CYP2C18: variants seen among roughly 807,000 people sequenced by gnomAD.
CYP2C18 encodes cytochrome P450 2C18.
CYP2C18 carries 38 observed loss-of-function variants against 41.3 expected under a neutral mutation model. The observed-to-expected ratio is 0.92, with a 90% CI of 0.71 to 1.21. CYP2C18 has a LOEUF of 1.21. Ranked by LOEUF, CYP2C18 falls within the 50% of genes most tolerant of loss-of-function variation. The pLI is 0.00. For synonymous variants in CYP2C18, 236 were observed against 210.0 expected (o/e 1.12, Z -1.07); for missense variants, 635 against 591.4 (o/e 1.07, Z -0.77).
chr10:94,690,033 G>A (rs898398265), intron 3 of CYP2C18, among the ~76,000 whole-genome samples: 2 of 152,038 alleles, frequency 1.3e-5, no homozygotes, highest in Non-Finnish European at 2.9e-5. Flanking sequence ...ACCAACCCTG[G>A]TACTTCCCCA....
At chr10:94,720,120 C>T (rs1424241860) in intron 5 of CYP2C18, among the ~76,000 whole-genome samples, 1 of 152,062 alleles carries the variant, frequency 6.6e-6, no homozygotes, top group East Asian at 1.9e-4. Context: ...CAGGTACCTG[C>T]TTATATGTCA....
At chr10:94,692,912 A>G (rs1223330906) in intron 3 of CYP2C18, among the ~76,000 whole-genome samples, 2 of 151,942 alleles carry the variant, frequency 1.3e-5, no homozygotes, top group African/African-American at 4.8e-5. Flanking sequence ...TGAGCAAACT[A>G]TCGCAAGACC....
intron 1 of CYP2C18, among the ~76,000 whole-genome samples, chr10:94,684,653 A>G (rs567212255): frequency 1.5e-4 from 23 of 152,312 alleles, no homozygotes; most frequent in African/African-American, 5.3e-4. Flanking sequence ...TAGCACTGCA[A>G]TAAACATGGA....
rs752487595 is a variant in CYP2C18 at position 94,721,203 on chromosome 10, C to T, written c.961+666C>T. Among the ~76,000 whole-genome samples, 8 of 151,912 alleles carry T rather than the reference C, an allele frequency of 5.3e-5. No homozygotes were observed. In the South Asian group the frequency reaches 6.2e-4, roughly 12 times the overall value. On this transcript the variant is annotated intron_variant, in intron 6 of 8. Coordinates refer to ENST00000285979, the MANE Select transcript of CYP2C18 (RefSeq NM_000772.3). ...AATTATTTTGTATTTTTAGTAGAGA[C>T]GGGGTTTCACCATGTTGGTCAGGCT...
chr10:94,723,575 T>C (rs957379324), intron 6 of CYP2C18, among the ~76,000 whole-genome samples: 9 of 152,116 alleles, frequency 5.9e-5, no homozygotes, highest in Admixed American at 5.2e-4. Flanking sequence ...CCACTTGTGG[T>C]CAATGTTTAT....
At chr10:94,728,608 C>T (rs766560727) in intron 7 of CYP2C18, 2 of 973,552 alleles carry the variant, frequency 2.1e-6, no homozygotes, top group Non-Finnish European at 2.4e-6. Flanking sequence ...CTAAAAGAAA[C>T]ATATAGCATT....
chr10:94,692,531 G>A (rs1373552491), intron 3 of CYP2C18, among the ~76,000 whole-genome samples: 1 of 152,170 alleles, frequency 6.6e-6, no homozygotes, highest in South Asian at 2.1e-4. Context: ...ACAGGTGCTG[G>A]AGAGGATGTG....
intron 5 of CYP2C18, among the ~76,000 whole-genome samples, chr10:94,710,134 T>A (rs1847411180): frequency 6.6e-6 from 1 of 152,114 alleles, no homozygotes; most frequent in South Asian, 2.1e-4. Context: ...TATGGCCAGA[T>A]AATTTATTGT....
Position 94,716,265 on chromosome 10 carries a change from T to C in CYP2C18, c.820-4131T>C, listed in dbSNP as rs181097309. On this transcript the variant is annotated intron_variant, in intron 5 of 8. Coordinates refer to ENST00000285979, the MANE Select transcript of CYP2C18 (RefSeq NM_000772.3). ...GCTCTTGCTTCTCTAGTTCTTTTAA[T>C]TGTGATGTTAGGGTGTCAATTTTAG... 4.6e-3 allele frequency among the ~76,000 whole-genome samples: 706 copies of C among 152,296 alleles called. 3 individuals are homozygous for C. Among genetic ancestry groups the C allele is most frequent in the African/African-American group, 0.016 (683 of 41,572 alleles).
At chr10:94,700,999 G>C (rs1044180063) in intron 4 of CYP2C18, among the ~76,000 whole-genome samples, 4 of 151,794 alleles carry the variant, frequency 2.6e-5, no homozygotes, top group African/African-American at 9.7e-5. Context: ...GGAGAAATAG[G>C]TACAGTTTTA....
At chr10:94,698,247 CA>C (rs1295725013) in intron 4 of CYP2C18, among the ~76,000 whole-genome samples, 1 of 152,136 alleles carries the variant, frequency 6.6e-6, no homozygotes, top group Admixed American at 6.5e-5. Flanking sequence ...CACTCCTCAG[CA>C]AATGTAAGAG....
chr10:94,700,466 G>T (rs114180731), intron 4 of CYP2C18, among the ~76,000 whole-genome samples: 26,234 of 149,162 alleles, frequency 0.18, 2,493 homozygotes, highest in South Asian at 0.33. Context: ...ACACCTTATA[G>T]AACAATTCAA....
chr10:94,730,302 A>G (rs1235273000), intron 7 of CYP2C18, among the ~76,000 whole-genome samples: 1 of 152,170 alleles, frequency 6.6e-6, no homozygotes, highest in East Asian at 1.9e-4. Context: ...ACTTGTTTCC[A>G]AATAATGTTT....
At chr10:94,725,502 G>A (rs1036748106) in intron 7 of CYP2C18, among the ~76,000 whole-genome samples, 7 of 151,926 alleles carry the variant, frequency 4.6e-5, no homozygotes, top group Admixed American at 2.0e-4. Flanking sequence ...CCAGGACAGC[G>A]TTGAATAAAT....
At chr10:94,731,756 G>A (rs955354652) in intron 7 of CYP2C18, among the ~76,000 whole-genome samples, 2 of 152,128 alleles carry the variant, frequency 1.3e-5, no homozygotes, top group Non-Finnish European at 2.9e-5. Flanking sequence ...GGGATGGCAG[G>A]CTAGCCATAT....
intron 4 of CYP2C18, among the ~76,000 whole-genome samples, chr10:94,695,438 C>T (rs1029183617): frequency 6.6e-6 from 1 of 152,066 alleles, no homozygotes; most frequent in South Asian, 2.1e-4. Context: ...TGATGGTTTC[C>T]AGCTTCATCC....
At chr10:94,690,182 G>A (rs535902358) in intron 3 of CYP2C18, among the ~76,000 whole-genome samples, 67 of 152,124 alleles carry the variant, frequency 4.4e-4, no homozygotes, top group Admixed American at 3.3e-3. Flanking sequence ...CAAAATCCTC[G>A]GTGAATTTTA....
chr10:94,724,615 C>T (rs1165584901), intron 7 of CYP2C18, 82 bp downstream of exon 7: 19 of 1,289,692 alleles, frequency 1.5e-5, no homozygotes, highest in Non-Finnish European at 2.1e-5. Context: ...TCTAACAACA[C>T]ATGATGAGAG....
rs899888163 is a variant in CYP2C18 at position 94,735,875 on chromosome 10, T to C, written c.*431T>C. 1 of 166,210 alleles carries C rather than the reference T, an allele frequency of 6.0e-6. No homozygotes were observed. The highest frequency in any genetic ancestry group is 2.4e-5 in the African/African-American group (1 of 41,670). The allele number at this position is 166,210 out of a possible 1,614,324, so 10.3% of individuals were successfully genotyped here. A position where few individuals can be genotyped will look rare whatever the true frequency, so the allele number is the denominator to read the frequency against. ...AAGTAAGAAATGAAAGAAAATAGAATGTGAAGAGGCTGTGCTGGCCCTCAT... is the reference window on the plus strand; with the variant it reads ...AAGTAAGAAATGAAAGAAAATAGAACGTGAAGAGGCTGTGCTGGCCCTCAT... On this transcript the variant is annotated 3_prime_UTR_variant, in exon 9 of 9. Transcript: ENST00000285979.
Sources: allele counts gnomAD v4.1 joint callset (sites outside exome capture counted in the v4.1 genomes callset), GRCh38; gene constraint gnomAD v4.1.1; transcripts MANE v1.5; gene names NCBI Gene and HGNC (gene_info 2026-07-23, HGNC 2026-07-21).